TOGARAM2: variants seen among roughly 807,000 people sequenced by gnomAD.
TOGARAM2 encodes TOG array regulator of axonemal microtubules 2.
A neutral mutation model predicts 93.3 loss-of-function variants in TOGARAM2; 85 were observed. The observed-to-expected ratio is 0.91, with a 90% CI of 0.76 to 1.09. TOGARAM2 has a LOEUF of 1.09. Ranked by LOEUF, TOGARAM2 falls within the 50% of genes least tolerant of loss-of-function variation. TOGARAM2 has a pLI of 0.00. For missense variants in TOGARAM2, 1,277 were observed against 1,334.5 expected (o/e 0.96, Z 0.67); for synonymous variants, 593 against 552.8 (o/e 1.07, Z -1.02).
chr2:29,003,587 G>T lies in TOGARAM2; in HGVS notation c.735G>T (p.Thr245=), dbSNP rs751076031. Residue 245 remains threonine, a synonymous_variant, in exon 6 of 20, where the codon ACG becomes ACT. Transcript: ENST00000379558. The stretch of plus-strand genomic sequence containing the variant: ...TCCCACCCATCCCAAAGGCCAGGAC[G>T]GTTGCAGCGACCCCCTCCCGTGTGC... The part of the protein sequence containing the change: ...IVIPPIPKAR[T]VAATPSRVPG... 6.3e-7 allele frequency: 1 copy of T among 1,595,648 alleles called. No homozygotes were observed. The highest frequency in any genetic ancestry group is 8.5e-7 in the Non-Finnish European group (1 of 1,171,814).
chr2:29,038,465 G>C (rs1666249258), intron 18 of TOGARAM2, among the ~76,000 whole-genome samples: 1 of 152,052 alleles, frequency 6.6e-6, no homozygotes. Context: ...AAAATATACT[G>C]GTTTTTGTTT....
intron 1 of TOGARAM2, among the ~76,000 whole-genome samples, chr2:28,990,991 GGT>G (rs70958233): frequency 0.096 from 11,502 of 119,622 alleles, 611 homozygotes; most frequent in East Asian, 0.16. Flanking sequence ...GTGTGTGAAG[GGT>G]GTGTGTGTGT....
At chr2:29,029,852 A>G (rs1015115667) in intron 14 of TOGARAM2, among the ~76,000 whole-genome samples, 1 of 152,054 alleles carries the variant, frequency 6.6e-6, no homozygotes, top group Non-Finnish European at 1.5e-5. Context: ...GGTTCAATGT[A>G]TACTGCTCGG....
chr2:29,017,534 G>A (rs1664659531), intron 9 of TOGARAM2, among the ~76,000 whole-genome samples: 1 of 152,146 alleles, frequency 6.6e-6, no homozygotes, highest in East Asian at 1.9e-4. Flanking sequence ...AGCCTCCCAA[G>A]TAGTGGGAAA....
chr2:29,035,490 T>G lies in TOGARAM2; in HGVS notation c.2252T>G (p.Val751Gly). The G allele has an allele frequency of 6.8e-7, 1 of 1,470,378 alleles. No homozygotes were observed. Among genetic ancestry groups the G allele is most frequent in the East Asian group, 2.5e-5 (1 of 39,908 alleles). The allele number at this position is 1,470,378 out of a possible 1,614,324, so 91.1% of individuals were successfully genotyped here. A position where few individuals can be genotyped will look rare whatever the true frequency, so the allele number is the denominator to read the frequency against. Residue 751 changes from valine (V) to glycine (G), a missense_variant, in exon 17 of 20, where the codon GTG becomes GGG. Physicochemically the swap from Val to Gly is moderately radical, Grantham distance 109. Coordinates refer to ENST00000379558, the MANE Select transcript of TOGARAM2 (RefSeq NM_199280.4). ...CTCAGCTGCAATGGCCCAAGGCTGG[T>G]GGGGCTGCGCTCCACACTGCAGGGC... ...EGLSCNGPRLVGLRSTLQGRG... is the reference protein window; with the variant it reads ...EGLSCNGPRLGGLRSTLQGRG...
chr2:29,005,762 T>C (rs1663716679), intron 6 of TOGARAM2, among the ~76,000 whole-genome samples: 2 of 114,754 alleles, frequency 1.7e-5, no homozygotes, highest in Non-Finnish European at 3.8e-5. Context: ...TGTGTGTGTG[T>C]GAGTACATGT....
chr2:29,012,702 AG>A (rs1461235128), intron 7 of TOGARAM2, among the ~76,000 whole-genome samples: 1 of 152,206 alleles, frequency 6.6e-6, no homozygotes, highest in East Asian at 1.9e-4. Flanking sequence ...AAGTCCTTAA[AG>A]GGCTCTCTGC....
chr2:29,022,131 C>G lies in TOGARAM2; in HGVS notation c.1361-27C>G, dbSNP rs768172035. ...CTCTTGCCTGTCCTGCTGCGTGAAG[C>G]CTGCTGTTTCTTTCTTGTGAATGCA... On this transcript the variant is annotated intron_variant, in intron 10 of 19. Transcript: ENST00000379558. 5.0e-6 allele frequency: 8 copies of G among 1,613,768 alleles called. 1 individual carries two copies. The highest frequency in any genetic ancestry group is 6.8e-6 in the Non-Finnish European group (8 of 1,179,802).
chr2:29,047,520 T>A (rs1666813139), intron 19 of TOGARAM2: 1 of 152,256 alleles, frequency 6.6e-6, no homozygotes, highest in Admixed American at 6.5e-5. Flanking sequence ...CACAGCTTAA[T>A]AGGAGTAAAT....
chr2:29,030,190 C>T (rs1030806343), intron 14 of TOGARAM2, among the ~76,000 whole-genome samples: 1 of 152,142 alleles, frequency 6.6e-6, no homozygotes, highest in Non-Finnish European at 1.5e-5. Context: ...ATAAGAGGAT[C>T]GCTTGAGGCC....
Position 29,024,245 on chromosome 2 carries a change from G to A in TOGARAM2, c.1724G>A (p.Arg575His), listed in dbSNP as rs768497249. 6 of 1,611,612 alleles carry A rather than the reference G, an allele frequency of 3.7e-6. No homozygotes were observed. Among genetic ancestry groups the A allele is most frequent in the East Asian group, 4.5e-5 (2 of 44,780 alleles). The change falls in exon 13 of 20, where the codon CGC becomes CAC. Residue 575 changes from arginine to histidine, a missense_variant. By Grantham distance (29) the Arg-to-His change is conservative. Transcript: ENST00000379558. ...NMDQEAEEIA[R>H]CLLQKMADTN... ...GACCAGGAGGCCGAGGAGATCGCCC[G>A]CTGCTTGCTGCAGAAGATGGCGGAC...
chr2:29,027,508 T>C (rs376793059), intron 14 of TOGARAM2, among the ~76,000 whole-genome samples: 1 of 152,080 alleles, frequency 6.6e-6, no homozygotes, highest in East Asian at 1.9e-4. Flanking sequence ...TTCATACCTG[T>C]AATCCCAGCA....
At chr2:29,041,450 T>TA (rs1209939593) in intron 18 of TOGARAM2, among the ~76,000 whole-genome samples, 1 of 152,230 alleles carries the variant, frequency 6.6e-6, no homozygotes, top group Non-Finnish European at 1.5e-5. Context: ...GTGAATCTGG[T>TA]AAAACCAGCG....
At chr2:29,050,672 TA>T (rs1452961888) in intron 19 of TOGARAM2, 2 of 152,206 alleles carry the variant, frequency 1.3e-5, no homozygotes, top group Admixed American at 6.5e-5. Flanking sequence ...ACAGAATCAA[TA>T]AAGCGCTGCT....
intron 14 of TOGARAM2, among the ~76,000 whole-genome samples, chr2:29,028,219 T>A (rs951934036): frequency 6.6e-6 from 1 of 152,164 alleles, no homozygotes; most frequent in African/African-American, 2.4e-5. Context: ...ATGTGGCACC[T>A]GTCAGGGCTC....
chr2:29,023,007 T>G, intron 11 of TOGARAM2, 79 bp from the exon 12 acceptor site: 1 of 1,265,350 alleles, frequency 7.9e-7, no homozygotes, highest in Non-Finnish European at 1.1e-6. Flanking sequence ...TGGTGTGTGA[T>G]GTGGGGCCCC....
intron 1 of TOGARAM2, among the ~76,000 whole-genome samples, chr2:28,991,540 C>G (rs146598000): frequency 2.6e-5 from 4 of 152,168 alleles, no homozygotes; most frequent in African/African-American, 9.7e-5. Context: ...TGGCTGGAGA[C>G]GTCTCAGAGG....
intron 1 of TOGARAM2, among the ~76,000 whole-genome samples, chr2:28,974,673 G>A (rs1025412542): frequency 6.6e-6 from 1 of 151,942 alleles, no homozygotes; most frequent in South Asian, 2.1e-4. Flanking sequence ...GGGTGCAGTG[G>A]CTTGATCTTG....
intron 6 of TOGARAM2, among the ~76,000 whole-genome samples, chr2:29,004,258 T>C (rs12989882): frequency 0.8 from 122,487 of 152,192 alleles, 49,681 homozygotes; most frequent in Middle Eastern, 0.86. Context: ...GCTGGGATTA[T>C]AGGTGTGAGA....
Sources: allele counts gnomAD v4.1 joint callset (sites outside exome capture counted in the v4.1 genomes callset), GRCh38; gene constraint gnomAD v4.1.1; transcripts MANE v1.5; gene names NCBI Gene and HGNC (gene_info 2026-07-23, HGNC 2026-07-21).